Variants in STAG1 observed in about 807,000 individuals in gnomAD.
STAG1 encodes the protein cohesin subunit SA-1.
Under a neutral mutation model 170.9 loss-of-function variants are expected in STAG1, and 26 were observed. The ratio of observed to expected loss-of-function variants is 0.15; its 90% CI spans 0.11 to 0.21. The LOEUF is 0.21. STAG1 is among the 10% of genes least tolerant of loss of function. The probability of loss-of-function intolerance (pLI) is 1.00; values close to 1 mark genes in which losing one functional copy is unlikely to be tolerated. For synonymous variants in STAG1, 514 were observed against 497.7 expected (o/e 1.03, Z -0.44); for missense variants, 964 against 1,509.5 (o/e 0.64, Z 5.99).
chr3:136,465,090 A>G, intron 12 of STAG1, 102 bp from the exon 13 acceptor site: 1 of 711,510 alleles, frequency 1.4e-6, no homozygotes, highest in East Asian at 3.0e-5. Flanking sequence ...TCAAGACTTA[A>G]TAATTGTTGT....
intron 2 of STAG1, among the ~76,000 whole-genome samples, chr3:136,623,699 A>C (rs1408752586): frequency 6.6e-6 from 1 of 152,110 alleles, no homozygotes; most frequent in Non-Finnish European, 1.5e-5. Flanking sequence ...TCATGCCTAT[A>C]AATCTCAGCA....
chr3:136,455,574 G>A (rs2089086021), intron 13 of STAG1, among the ~76,000 whole-genome samples: 2 of 152,192 alleles, frequency 1.3e-5, no homozygotes, highest in Admixed American at 1.3e-4. Flanking sequence ...GAAAGAATAG[G>A]GTGCTGATCA....
intron 1 of STAG1, among the ~76,000 whole-genome samples, chr3:136,656,049 G>A (rs1257951033): frequency 2.0e-5 from 3 of 151,876 alleles, no homozygotes; most frequent in Admixed American, 6.6e-5. Flanking sequence ...TAAACACAAT[G>A]TGGTATACAC....
chr3:136,735,256 G>C (rs1934268519), intron 1 of STAG1, among the ~76,000 whole-genome samples: 1 of 151,468 alleles, frequency 6.6e-6, no homozygotes, highest in Non-Finnish European at 1.5e-5. Context: ...CTCCTGAGTA[G>C]ATAGGACTAC....
At chr3:136,486,698 T>A (rs1210427481) in intron 9 of STAG1, among the ~76,000 whole-genome samples, 1 of 152,118 alleles carries the variant, frequency 6.6e-6, no homozygotes, top group African/African-American at 2.4e-5. Flanking sequence ...TAACTGCACA[T>A]ATACACAGTG....
intron 1 of STAG1, among the ~76,000 whole-genome samples, chr3:136,739,877 A>G (rs995971646): frequency 6.6e-6 from 1 of 152,076 alleles, no homozygotes; most frequent in Admixed American, 6.6e-5. Context: ...ACACACATAT[A>G]TATTACACAG....
intron 13 of STAG1, among the ~76,000 whole-genome samples, chr3:136,452,882 C>T (rs989577286): frequency 6.6e-5 from 10 of 152,004 alleles, no homozygotes; most frequent in Non-Finnish European, 1.3e-4. Flanking sequence ...CTCTGCCTCT[C>T]GGGTTCAAGC....
chr3:136,389,856 G>C (rs576243073), intron 22 of STAG1, among the ~76,000 whole-genome samples: 72 of 150,038 alleles, frequency 4.8e-4, no homozygotes, highest in Non-Finnish European at 7.8e-4. Context: ...TTTTGAGATG[G>C]AGTCTCACTT....
chr3:136,716,995 T>C (rs1382898232), intron 1 of STAG1, among the ~76,000 whole-genome samples: 1 of 152,230 alleles, frequency 6.6e-6, no homozygotes, highest in African/African-American at 2.4e-5. Context: ...TATACCACCA[T>C]CATTGTCACA....
intron 30 of STAG1, among the ~76,000 whole-genome samples, chr3:136,342,489 TGTG>T (rs1936022441): frequency 6.6e-6 from 1 of 151,916 alleles, no homozygotes; most frequent in Non-Finnish European, 1.5e-5. Flanking sequence ...TGGCTAATTT[TGTG>T]GTGGTGGTGT....
chr3:136,666,821 A>T (rs931229961), intron 1 of STAG1, among the ~76,000 whole-genome samples: 9 of 137,078 alleles, frequency 6.6e-5, no homozygotes, highest in African/African-American at 2.1e-4. Flanking sequence ...CTCTGTCTTT[A>T]AAAAAAAAAA....
chr3:136,384,922 C>A (rs558265252), intron 22 of STAG1, among the ~76,000 whole-genome samples: 52 of 152,128 alleles, frequency 3.4e-4, no homozygotes, highest in African/African-American at 1.2e-3. Context: ...TTTTAAGAAA[C>A]TAGAATACAT....
At position 136,611,279 on chromosome 3, in the gene STAG1, A is replaced by G. The variant is rs369309003; in HGVS notation, c.133-6806T>C. On this transcript the variant is annotated intron_variant, in intron 3 of 33. Transcript: ENST00000383202. ...ATTCTCCTGCCTCAGACTCCCAAGT[A>G]GCTGGGATTACAAGCATGCGCCACC... 2.6e-4 allele frequency among the ~76,000 whole-genome samples: 39 copies of G among 151,868 alleles called. No homozygotes were observed. The East Asian group carries it at 6.6e-3, about 26-fold the overall frequency.
chr3:136,563,868 A>C (rs184291848), intron 5 of STAG1, among the ~76,000 whole-genome samples: 4 of 152,190 alleles, frequency 2.6e-5, no homozygotes, highest in Admixed American at 6.5e-5. Context: ...AAAATACAAA[A>C]AAACTTTAGC....
At chr3:136,728,258 A>G (rs1251827162) in intron 1 of STAG1, among the ~76,000 whole-genome samples, 1 of 152,240 alleles carries the variant, frequency 6.6e-6, no homozygotes, top group Non-Finnish European at 1.5e-5. Context: ...AACAAAGGGG[A>G]AATAAACTAT....
intron 28 of STAG1, among the ~76,000 whole-genome samples, chr3:136,355,245 A>G (rs945015091): frequency 1.3e-5 from 2 of 150,046 alleles, no homozygotes; most frequent in African/African-American, 4.9e-5. Flanking sequence ...CCAGCTACCC[A>G]GAAGGCTGAG....
intron 6 of STAG1, 146 bp downstream of exon 6, chr3:136,541,973 A>G (rs1935926266): frequency 4.8e-6 from 3 of 622,864 alleles, no homozygotes; most frequent in Non-Finnish European, 5.5e-6. Context: ...TAATTTTGGA[A>G]TTAGTACCAC....
At chr3:136,457,819 G>C (rs1397135659) in intron 13 of STAG1, among the ~76,000 whole-genome samples, 1 of 152,138 alleles carries the variant, frequency 6.6e-6, no homozygotes, top group Non-Finnish European at 1.5e-5. Context: ...ACTGGGGCCA[G>C]GCATGGTGAT....
At chr3:136,604,737 T>TC (rs1450082631) in intron 3 of STAG1, among the ~76,000 whole-genome samples, 1 of 152,024 alleles carries the variant, frequency 6.6e-6, no homozygotes, top group Non-Finnish European at 1.5e-5. Context: ...TGCAGCATCC[T>TC]CCTCCCAGGT....
Sources: gnomAD v4.1 joint callset for allele counts (sites outside exome capture counted in the v4.1 genomes callset) on GRCh38, gnomAD v4.1.1 for gene constraint, MANE v1.5 for transcripts, NCBI Gene and HGNC (gene_info 2026-07-23, HGNC 2026-07-21) for gene names.